SIAH3: variants seen among roughly 807,000 people sequenced by gnomAD.
The protein encoded by SIAH3 is seven in absentia homolog 3.
SIAH3 carries 9 observed loss-of-function variants against 12.6 expected under a neutral mutation model. That is an observed-to-expected ratio of 0.72 (90% CI 0.43 to 1.25). The LOEUF (loss-of-function observed/expected upper bound fraction) is 1.25. Ranked by LOEUF, SIAH3 falls within the 50% of genes most tolerant of loss-of-function variation. The probability of loss-of-function intolerance (pLI) is 0.00; values close to 1 mark genes in which losing one functional copy is unlikely to be tolerated. For missense variants in SIAH3, 390 were observed against 365.4 expected (o/e 1.07, Z -0.55); for synonymous variants, 154 against 151.1 (o/e 1.02, Z -0.14).
chr13:45,820,319 A>G (rs1237996840), intron 1 of SIAH3, among the ~76,000 whole-genome samples: 2 of 152,134 alleles, frequency 1.3e-5, no homozygotes, highest in African/African-American at 4.8e-5. Context: ...CCAGGCTACC[A>G]TGCAGGTGAA....
chr13:45,799,131 C>T (rs1950572954), intron 1 of SIAH3, among the ~76,000 whole-genome samples: 1 of 152,144 alleles, frequency 6.6e-6, no homozygotes, highest in Non-Finnish European at 1.5e-5. Flanking sequence ...GACAGGCCTA[C>T]AGGATGAAAC....
Position 45,780,269 on chromosome 13 carries a change from CTT to C in SIAH3, c.*3112_*3113del, listed in dbSNP as rs59657933. 113 of 146,970 alleles carry C rather than the reference CTT, an allele frequency of 7.7e-4. No individual in the cohort carries two copies. The highest frequency in any genetic ancestry group is 9.9e-4 in the East Asian group (5 of 5,034). The allele number at this position is 146,970 out of a possible 1,614,324, so 9.1% of individuals were successfully genotyped here. On this transcript the variant is annotated 3_prime_UTR_variant, in exon 2 of 2. Coordinates refer to ENST00000400405, the MANE Select transcript of SIAH3 (RefSeq NM_198849.3). Reference sequence around the variant, plus strand: ...CCCCCTGCTTCCAGGTGGACTAGTGCTTTTTTTTTTTTTCTAAAGAGATAGGG... The same window carrying C: ...CCCCCTGCTTCCAGGTGGACTAGTGCTTTTTTTTTTTCTAAAGAGATAGGG...
chr13:45,828,775 A>G (rs1038730441), intron 1 of SIAH3, among the ~76,000 whole-genome samples: 2 of 152,202 alleles, frequency 1.3e-5, no homozygotes, highest in African/African-American at 4.8e-5. Flanking sequence ...CTAGGATTGA[A>G]TTCCGGTCTC....
intron 1 of SIAH3, among the ~76,000 whole-genome samples, chr13:45,791,472 C>T (rs1287548931): frequency 6.6e-6 from 1 of 152,176 alleles, no homozygotes; most frequent in East Asian, 1.9e-4. Context: ...CTGTCCTCTA[C>T]CCTTCCATCT....
At position 45,783,449 on chromosome 13, in the gene SIAH3, G is replaced by A. The variant is rs541734940; in HGVS notation, c.744C>T (p.Asn248=). Residue 248 remains asparagine (N), a synonymous_variant, in exon 2 of 2, where the codon AAC becomes AAT. Transcript: ENST00000400405. ...NTSLAQLFSD[N]GSLAIGIAIT... Reference sequence around the variant, plus strand: ...TGGCAATCCCAATGGCAAGGCTGCCGTTGTCAGAGAAGAGCTGTGCCAGCG... The same window carrying A: ...TGGCAATCCCAATGGCAAGGCTGCCATTGTCAGAGAAGAGCTGTGCCAGCG... 1.0e-4 allele frequency: 164 copies of A among 1,614,080 alleles called. 2 individuals carry two copies. In the South Asian group the frequency reaches 1.6e-3, roughly 16 times the overall value.
intron 1 of SIAH3, among the ~76,000 whole-genome samples, chr13:45,807,239 C>T (rs1950601052): frequency 6.6e-6 from 1 of 150,866 alleles, no homozygotes; most frequent in Admixed American, 6.6e-5. Context: ...TTGACATTCC[C>T]TAAAATTAAC....
intron 1 of SIAH3, among the ~76,000 whole-genome samples, chr13:45,847,479 A>T (rs2137587199): frequency 6.6e-6 from 1 of 152,040 alleles, no homozygotes; most frequent in East Asian, 1.9e-4. Flanking sequence ...CTCAATACAC[A>T]TTTATCCACA....
intron 1 of SIAH3, among the ~76,000 whole-genome samples, chr13:45,815,868 T>G (rs7329265): frequency 0.11 from 17,356 of 152,226 alleles, 3,180 homozygotes; most frequent in African/African-American, 0.39. Flanking sequence ...ACAGAGGCCG[T>G]TAAGGTGACA....
At position 45,783,614 on chromosome 13, in the gene SIAH3, G is replaced by A. The variant is rs754676682; in HGVS notation, c.579C>T (p.Pro193=). ...GATAGGTGAAGCAGTCGGCCTGGGT[G>A]GGGGTCCCAATCAGCATCATGGTGG... ...FFATMMLIGT[P]TQADCFTYRL... is the part of the protein sequence containing the mutation. The change falls in exon 2 of 2, where the codon CCC becomes CCT. Residue 193 remains proline, a synonymous_variant. Transcript: ENST00000400405. 6.2e-7 allele frequency: 1 copy of A among 1,614,098 alleles called. No homozygotes were observed. The highest frequency in any genetic ancestry group is 1.3e-5 in the African/African-American group (1 of 74,948).
intron 1 of SIAH3, among the ~76,000 whole-genome samples, chr13:45,844,278 G>A (rs1292057798): frequency 6.6e-6 from 1 of 152,218 alleles, no homozygotes; most frequent in Non-Finnish European, 1.5e-5. Context: ...GTGTGAGTAT[G>A]AGTGGGTTAG....
At chr13:45,825,848 C>A (rs149697860) in intron 1 of SIAH3, among the ~76,000 whole-genome samples, 2 of 152,278 alleles carry the variant, frequency 1.3e-5, no homozygotes, top group East Asian at 3.9e-4. Context: ...AGCTCCCTCG[C>A]TTCCTAGGCC....
intron 1 of SIAH3, among the ~76,000 whole-genome samples, chr13:45,849,661 C>A (rs1169065075): frequency 6.6e-6 from 1 of 152,164 alleles, no homozygotes; most frequent in Admixed American, 6.5e-5. Flanking sequence ...TGGGTCAGGG[C>A]AGCAAGACGA....
intron 1 of SIAH3, among the ~76,000 whole-genome samples, chr13:45,832,682 T>C (rs1480174605): frequency 2.0e-5 from 3 of 152,244 alleles, no homozygotes; most frequent in African/African-American, 4.8e-5. Context: ...CTTTTGGGTA[T>C]ATGCCCTGAA....
chr13:45,831,233 A>T (rs1566095984), intron 1 of SIAH3, among the ~76,000 whole-genome samples: 1 of 151,618 alleles, frequency 6.6e-6, no homozygotes, highest in African/African-American at 2.4e-5. Flanking sequence ...TAAAATAAAA[A>T]AATGAATCGT....
Position 45,851,738 on chromosome 13 carries a change from G to T in SIAH3, c.-109C>A. ...AGACACTCCGCTCCAGCCCGGCTTA[G>T]CGCGCCTTCATATTCATCATCAAAA... On this transcript the variant is annotated 5_prime_UTR_variant, in exon 1 of 2. Coordinates refer to ENST00000400405, the MANE Select transcript of SIAH3 (RefSeq NM_198849.3). The T allele has an allele frequency of 7.1e-7, 1 of 1,404,388 alleles. No homozygotes were observed. The highest frequency in any genetic ancestry group is 9.8e-7 in the Non-Finnish European group (1 of 1,018,900). 87.0% of individuals were successfully genotyped at this position (1,404,388 alleles called of 1,614,324 possible).
At chr13:45,820,643 C>T (rs1950652510) in intron 1 of SIAH3, among the ~76,000 whole-genome samples, 1 of 152,104 alleles carries the variant, frequency 6.6e-6, no homozygotes, top group African/African-American at 2.4e-5. Context: ...GCCCTCCTCC[C>T]ACCACCGCGG....
intron 1 of SIAH3, among the ~76,000 whole-genome samples, chr13:45,800,864 CT>C (rs1267713681): frequency 6.6e-6 from 1 of 152,154 alleles, no homozygotes; most frequent in East Asian, 1.9e-4. Context: ...TCCATGGGCA[CT>C]GAATTGGTAA....
At chr13:45,801,027 T>C (rs1950580031) in intron 1 of SIAH3, among the ~76,000 whole-genome samples, 1 of 140,206 alleles carries the variant, frequency 7.1e-6, no homozygotes, top group African/African-American at 2.6e-5. Context: ...CATGTTCTAC[T>C]AGGATCCATC....
At chr13:45,831,795 G>A (rs1950700292) in intron 1 of SIAH3, among the ~76,000 whole-genome samples, 2 of 152,324 alleles carry the variant, frequency 1.3e-5, no homozygotes, top group Admixed American at 1.3e-4. Context: ...GGCCTACTAT[G>A]GGCAGTGTCT....
Sources: gnomAD v4.1 joint callset for allele counts (sites outside exome capture counted in the v4.1 genomes callset) on GRCh38, gnomAD v4.1.1 for gene constraint, MANE v1.5 for transcripts, NCBI Gene and HGNC (gene_info 2026-07-23, HGNC 2026-07-21) for gene names.